FSTL4: variants seen among roughly 807,000 people sequenced by gnomAD.
FSTL4 encodes the protein follistatin-related protein 4.
In FSTL4, 28 loss-of-function variants were observed where a neutral mutation model predicts 78.2. That is an observed-to-expected ratio of 0.36 (90% CI 0.27 to 0.49). The LOEUF (loss-of-function observed/expected upper bound fraction) is 0.49. Among genes scored for constraint, FSTL4 ranks in the 20% least tolerant of loss-of-function variants. The pLI is 0.98. For missense variants in FSTL4, 922 were observed against 1,084.9 expected, an observed-to-expected ratio of 0.85 and a Z score of 2.11; for synonymous variants, 422 against 440.5, an observed-to-expected ratio of 0.96 and a Z score of 0.53.
At chr5:133,631,571 AT>A in the FSTL4 span, among the ~76,000 whole-genome samples, 1 of 152,216 alleles carries the variant, frequency 6.6e-6, no homozygotes, top group African/African-American at 2.4e-5. Flanking sequence ...TAGTTCACAC[AT>A]CCTGCAAGAC....
chr5:133,747,419 T>G, the FSTL4 span, among the ~76,000 whole-genome samples: 1 of 152,158 alleles, frequency 6.6e-6, no homozygotes, highest in Non-Finnish European at 1.5e-5. Context: ...GAAATGCTAA[T>G]CAATCCTGAT....
Position 133,299,643 on chromosome 5 carries a change from G to A in FSTL4, c.727+13011C>T, listed in dbSNP as rs757565025. Among the ~76,000 whole-genome samples the A allele has an allele frequency of 3.1e-4, 47 of 152,156 alleles. 1 individual carries two copies. The highest frequency in any genetic ancestry group is 1.2e-4 in the Non-Finnish European group (8 of 68,034). ...AAGCATCCAGAGGGGAAGCCCACTG[G>A]CATTCCTTTCCAATTAGAAGCAGCT... On this transcript the variant is annotated intron_variant, in intron 6 of 15. Coordinates refer to ENST00000265342, the MANE Select transcript of FSTL4 (RefSeq NM_015082.2).
At chr5:133,364,131 G>C (rs1335845999) in intron 4 of FSTL4, among the ~76,000 whole-genome samples, 1 of 152,224 alleles carries the variant, frequency 6.6e-6, no homozygotes, top group Non-Finnish European at 1.5e-5. Context: ...GCAGGCGATT[G>C]ACAACTCAGA....
intron 4 of FSTL4, among the ~76,000 whole-genome samples, chr5:133,365,124 T>C (rs1000209638): frequency 1.3e-5 from 2 of 152,158 alleles, no homozygotes; most frequent in Non-Finnish European, 2.9e-5. Context: ...TGGAACTCTG[T>C]AGTAAATTAA....
chr5:133,262,010 G>A (rs371637665), intron 6 of FSTL4, among the ~76,000 whole-genome samples: 7 of 149,132 alleles, frequency 4.7e-5, no homozygotes, highest in Non-Finnish European at 7.4e-5. Flanking sequence ...AAAAAAAAAA[G>A]TGACAGAATA....
intron 3 of FSTL4, among the ~76,000 whole-genome samples, chr5:133,410,293 T>C (rs1374679670): frequency 1.3e-5 from 2 of 152,342 alleles, no homozygotes; most frequent in East Asian, 3.9e-4. Flanking sequence ...TCTTATTCCC[T>C]GTCACCGGCC....
intron 4 of FSTL4, among the ~76,000 whole-genome samples, chr5:133,385,238 C>G (rs893357909): frequency 3.3e-5 from 5 of 152,192 alleles, no homozygotes; most frequent in African/African-American, 9.7e-5. Context: ...AGAATCCTGC[C>G]AAGGTATGAA....
rs957467436 is a variant in FSTL4, at chr5:133,246,413, G to T, written c.894+2997C>A. Reference sequence around the variant, plus strand: ...TCTTCTAAGGTTTGCTTTCCACACCGTCCCAAGTGGGCCTACTGCTTATGA... The same window carrying T: ...TCTTCTAAGGTTTGCTTTCCACACCTTCCCAAGTGGGCCTACTGCTTATGA... On this transcript the variant is annotated intron_variant, in intron 7 of 15. Coordinates refer to ENST00000265342, the MANE Select transcript of FSTL4 (RefSeq NM_015082.2). 2.0e-5 allele frequency: 3 copies of T among 152,252 alleles called. No individual in the cohort carries two copies. The East Asian group carries it at 5.8e-4, about 29-fold the overall frequency. The allele number at this position is 152,252 out of a possible 1,614,324, so 9.4% of individuals were successfully genotyped here.
intron 4 of FSTL4, among the ~76,000 whole-genome samples, chr5:133,392,791 A>T (rs1303546644): frequency 6.6e-6 from 1 of 152,318 alleles, no homozygotes; most frequent in East Asian, 1.9e-4. Flanking sequence ...GCCAGAAAAC[A>T]GCAGGAAACA....
At chr5:133,591,997 A>C (rs575448253) in intron 2 of FSTL4, among the ~76,000 whole-genome samples, 53 of 152,096 alleles carry the variant, frequency 3.5e-4, no homozygotes, top group Non-Finnish European at 4.4e-5. Context: ...CCAGATACCC[A>C]CCTTAACCAA....
chr5:133,361,982 A>G lies in FSTL4; in HGVS notation c.409+38756T>C, dbSNP rs1160434311. On this transcript the variant is annotated intron_variant, in intron 4 of 15. Coordinates refer to ENST00000265342, the MANE Select transcript of FSTL4 (RefSeq NM_015082.2). This position sits in a 1 kb window ranked among gnomAD's most constrained non-coding sequence, Gnocchi z 4.3. ...CTCTAGTTATCCATGAATACAAAGT[A>G]TTTTGTGCATGGCTTAATATACTTG... 6.6e-6 allele frequency among the ~76,000 whole-genome samples: 1 copy of G among 152,248 alleles called. No homozygotes were observed. Among genetic ancestry groups the G allele is most frequent in the Non-Finnish European group, 1.5e-5 (1 of 68,044 alleles).
intron 2 of FSTL4, among the ~76,000 whole-genome samples, chr5:133,579,495 C>T (rs1187889298): frequency 1.3e-5 from 2 of 152,192 alleles, no homozygotes; most frequent in African/African-American, 4.8e-5. Context: ...TTCATTCCAG[C>T]AGTCCATGAT....
intron 4 of FSTL4, among the ~76,000 whole-genome samples, chr5:133,341,737 C>A (rs1050605073): frequency 6.6e-6 from 1 of 152,186 alleles, no homozygotes; most frequent in Non-Finnish European, 1.5e-5. Flanking sequence ...CTTTAGGAAA[C>A]CCTAGGTGTC....
intron 3 of FSTL4, among the ~76,000 whole-genome samples, chr5:133,481,001 T>A (rs1271772938): frequency 6.6e-6 from 1 of 152,018 alleles, no homozygotes; most frequent in Non-Finnish European, 1.5e-5. Flanking sequence ...ATAGCAGCGG[T>A]CCGAGTAACC....
chr5:133,804,322 C>T, the FSTL4 span, among the ~76,000 whole-genome samples: 2 of 151,950 alleles, frequency 1.3e-5, no homozygotes, highest in Admixed American at 6.5e-5. Context: ...GGGCCTGCCA[C>T]GATACTGCAT....
At chr5:133,381,508 A>C (rs1243676821) in intron 4 of FSTL4, among the ~76,000 whole-genome samples, 1 of 152,230 alleles carries the variant, frequency 6.6e-6, no homozygotes, top group Non-Finnish European at 1.5e-5. Flanking sequence ...AGAAAGCTGG[A>C]AGATGATTAT....
the FSTL4 span, among the ~76,000 whole-genome samples, chr5:133,821,278 T>C: frequency 6.6e-6 from 1 of 152,220 alleles, no homozygotes; most frequent in Admixed American, 6.5e-5. Context: ...TCTCATCTGG[T>C]TCTTGATCAG....
At chr5:133,672,312 G>A in the FSTL4 span, among the ~76,000 whole-genome samples, 1 of 152,224 alleles carries the variant, frequency 6.6e-6, no homozygotes, top group Non-Finnish European at 1.5e-5. Flanking sequence ...TACAGCCCAG[G>A]TCTCTCAGTG....
intron 13 of FSTL4, among the ~76,000 whole-genome samples, chr5:133,212,687 A>C (rs1192590468): frequency 6.6e-6 from 1 of 152,220 alleles, no homozygotes; most frequent in Non-Finnish European, 1.5e-5. Context: ...AGAGAGAACG[A>C]GGCAGCAGAA....
Sources: gnomAD v4.1 joint callset for allele counts (sites outside exome capture counted in the v4.1 genomes callset) on GRCh38, gnomAD v4.1.1 for gene constraint, Gnocchi (gnomAD v3.1) non-coding constraint, MANE v1.5 for transcripts, NCBI Gene and HGNC (gene_info 2026-07-23, HGNC 2026-07-21) for gene names.